COL4A5: variants seen among roughly 807,000 people sequenced by gnomAD.
COL4A5 encodes the protein collagen alpha-5(IV) chain.
Under a neutral mutation model 130.2 loss-of-function variants are expected in COL4A5, and 26 were observed. The ratio of observed to expected loss-of-function variants is 0.20; its 90% CI spans 0.15 to 0.28. The LOEUF (loss-of-function observed/expected upper bound fraction) is 0.28. Ranked by LOEUF, COL4A5 falls within the 10% of genes least tolerant of loss-of-function variation. COL4A5 has a pLI of 1.00. For synonymous variants in COL4A5, 496 were observed against 439.6 expected, an observed-to-expected ratio of 1.13 and a Z score of -1.60; for missense variants, 1,131 against 1,344.3, an observed-to-expected ratio of 0.84 and a Z score of 2.48.
At chrX:108,649,284 A>G (rs1329057005) in intron 36 of COL4A5, among the ~76,000 whole-genome samples, 6 of 112,379 alleles carry the variant, frequency 5.3e-5, no homozygotes, top group Non-Finnish European at 1.1e-4. Flanking sequence ...AACACATCCC[A>G]TGCTCATGGA....
intron 36 of COL4A5, among the ~76,000 whole-genome samples, chrX:108,649,161 A>G (rs1337451961): frequency 1.8e-5 from 2 of 110,456 alleles, no homozygotes; most frequent in Admixed American, 9.7e-5. Flanking sequence ...AAAATAAAAT[A>G]AAATAAAATA....
At chrX:108,531,285 A>C (rs1241469915) in intron 1 of COL4A5, among the ~76,000 whole-genome samples, 1 of 102,158 alleles carries the variant, frequency 9.8e-6, no homozygotes, top group Non-Finnish European at 2.0e-5. Context: ...GGTGCAGCAC[A>C]CCAGCATGGC....
rs778084588 is a variant in COL4A5 at position 108,693,436 on chromosome X, G to T, written c.4706+511G>T. Among the ~76,000 whole-genome samples the T allele has an allele frequency of 1.8e-4, 20 of 111,710 alleles. No individual in the cohort carries two copies. In the East Asian group the frequency reaches 4.8e-3, roughly 27 times the overall value. ...CTAGGATGTAGTATGTAAAGGTTATGTTGGGAGAAAAGATTGTAAAGTTAG... is the reference window on the plus strand; with the variant it reads ...CTAGGATGTAGTATGTAAAGGTTATTTTGGGAGAAAAGATTGTAAAGTTAG... On this transcript the variant is annotated intron_variant, in intron 50 of 52. Transcript: ENST00000328300.
chrX:108,458,860 G>A (rs1204151898), intron 1 of COL4A5, among the ~76,000 whole-genome samples: 2 of 110,841 alleles, frequency 1.8e-5, no homozygotes, highest in African/African-American at 3.3e-5. Context: ...GGCGCCTGTA[G>A]TCCCAGCTAC....
At chrX:108,473,633 A>ATATATAT in intron 1 of COL4A5, among the ~76,000 whole-genome samples, 4 of 34,562 alleles carry the variant, frequency 1.2e-4, no homozygotes, top group African/African-American at 4.3e-4. Context: ...ATATATATAT[A>ATATATAT]TTTTTTTTTT....
chrX:108,481,745 G>C (rs2147527673), intron 1 of COL4A5, among the ~76,000 whole-genome samples: 1 of 111,673 alleles, frequency 9.0e-6, no homozygotes, highest in South Asian at 3.8e-4. Context: ...GTAGTTGAGT[G>C]ACTGCAGTTC....
chrX:108,694,735 C>G, intron 50 of COL4A5, 72 bp from the exon 51 acceptor site: 1 of 812,256 alleles, frequency 1.2e-6, no homozygotes, highest in East Asian at 3.1e-5. Context: ...AGAAGGCTTC[C>G]AATGAAGCAG....
chrX:108,570,397 G>A (rs768562064), intron 6 of COL4A5, among the ~76,000 whole-genome samples: 103 of 111,470 alleles, frequency 9.2e-4, no homozygotes, highest in Non-Finnish European at 1.4e-3. Flanking sequence ...TTTCAAATTT[G>A]AAGGGCCAAT....
chrX:108,498,470 G>C (rs1329057826), intron 1 of COL4A5, among the ~76,000 whole-genome samples: 1 of 111,011 alleles, frequency 9.0e-6, no homozygotes, highest in Admixed American at 9.6e-5. Context: ...ATTTTGGATA[G>C]TTTATGTTCT....
intron 19 of COL4A5, among the ~76,000 whole-genome samples, chrX:108,587,084 A>G (rs1451782788): frequency 4.5e-5 from 5 of 111,716 alleles, no homozygotes; most frequent in Admixed American, 9.5e-5. Flanking sequence ...TAGAATATCC[A>G]TTACCTCAAG....
intron 10 of COL4A5, among the ~76,000 whole-genome samples, chrX:108,576,672 A>C (rs750285550): frequency 1.8e-5 from 2 of 112,267 alleles, no homozygotes; most frequent in Non-Finnish European, 3.8e-5. Context: ...GTGCCACTCT[A>C]TCTCTCATCT....
chrX:108,460,048 G>C (rs1252586787), intron 1 of COL4A5, among the ~76,000 whole-genome samples: 1 of 111,647 alleles, frequency 9.0e-6, no homozygotes, highest in Non-Finnish European at 1.9e-5. Flanking sequence ...TAACTTTGTA[G>C]GATGTTGTTT....
intron 1 of COL4A5, among the ~76,000 whole-genome samples, chrX:108,444,709 A>G (rs182502125): frequency 5.8e-4 from 65 of 112,298 alleles, no homozygotes; most frequent in African/African-American, 2.0e-3. Context: ...ATATGTATAT[A>G]TGCACACATA....
rs1445335831 is a variant in COL4A5 at position 108,601,430 on chromosome X, G to T, written c.1986G>T (p.Pro662=). The change falls in exon 26 of 53, where the codon CCG becomes CCT. Residue 662 remains proline, a synonymous_variant. Coordinates refer to ENST00000328300, the MANE Select transcript of COL4A5 (RefSeq NM_033380.3). ...KGDPGQTITQ[P]GKPGLPGNPG... ...ATCCAGGTCAGACTATAACCCAGCC[G>T]GGGAAGCCTGGCTTGCCTGGTAACC... 1 of 1,208,165 alleles carries T rather than the reference G, an allele frequency of 8.3e-7. No homozygotes were observed. The highest frequency in any genetic ancestry group is 2.2e-5 in the Admixed American group (1 of 45,935).
chrX:108,485,738 G>T (rs7876982), intron 1 of COL4A5, among the ~76,000 whole-genome samples: 9,923 of 109,421 alleles, frequency 0.091, 1,075 homozygotes, highest in African/African-American at 0.3. Flanking sequence ...GGAAGGAAGG[G>T]ATCTGTGGTG....
At chrX:108,523,232 GTTTAATC>G (rs1217391368) in intron 1 of COL4A5, among the ~76,000 whole-genome samples, 1 of 111,578 alleles carries the variant, frequency 9.0e-6, no homozygotes, top group Non-Finnish European at 1.9e-5. Context: ...TAGTTCTTGT[GTTTAATC>G]TTTGATCTGT....
intron 1 of COL4A5, among the ~76,000 whole-genome samples, chrX:108,483,361 T>C (rs4373674): frequency 0.1 from 11,459 of 110,107 alleles, 1,299 homozygotes; most frequent in African/African-American, 0.34. Flanking sequence ...ACTGAAGAAT[T>C]TGGAGTCTGA....
chrX:108,531,708 G>A, intron 1 of COL4A5, among the ~76,000 whole-genome samples: 1 of 110,817 alleles, frequency 9.0e-6, no homozygotes, highest in South Asian at 3.8e-4. Context: ...CTGCTAGCTA[G>A]TCTAACCAAG....
intron 9 of COL4A5, among the ~76,000 whole-genome samples, chrX:108,574,953 A>G (rs1327437923): frequency 9.0e-6 from 1 of 110,605 alleles, no homozygotes; most frequent in Non-Finnish European, 1.9e-5. Flanking sequence ...ACACCTGGCT[A>G]CTTTTTGAAA....
Sources: allele counts gnomAD v4.1 joint callset (sites outside exome capture counted in the v4.1 genomes callset), GRCh38; gene constraint gnomAD v4.1.1; transcripts MANE v1.5; gene names NCBI Gene and HGNC (gene_info 2026-07-23, HGNC 2026-07-21).